MEGF11: variants seen among roughly 807,000 people sequenced by gnomAD.
MEGF11 encodes multiple epidermal growth factor-like domains protein 11.
A neutral mutation model predicts 146.6 loss-of-function variants in MEGF11; 126 were observed. The ratio of observed to expected loss-of-function variants is 0.86; its 90% CI spans 0.74 to 1.00. The LOEUF is 1.00. Ranked by LOEUF, MEGF11 falls within the 50% of genes least tolerant of loss-of-function variation. The pLI, the probability that MEGF11 is intolerant of heterozygous loss-of-function variation, is 0.00. For missense variants in MEGF11, 1,509 were observed against 1,521.2 expected, an observed-to-expected ratio of 0.99 and a Z score of 0.13; for synonymous variants, 532 against 583.4, an observed-to-expected ratio of 0.91 and a Z score of 1.27.
At chr15:65,980,695 G>A (rs2081605952) in intron 7 of MEGF11, 83 bp downstream of exon 7, 3 of 1,448,652 alleles carry the variant, frequency 2.1e-6, no homozygotes, top group Non-Finnish European at 2.7e-6. Context: ...ACCATGCCCG[G>A]CTAGTTTAGC....
At chr15:65,905,882 C>T (rs1467532196) in intron 24 of MEGF11, 13 of 440,334 alleles carry the variant, frequency 3.0e-5, no homozygotes, top group South Asian at 1.2e-4. Context: ...CAACTGAAAT[C>T]GAAAGATGAA....
At chr15:65,913,999 C>T in intron 19 of MEGF11, 26 bp from the exon 20 acceptor site, 2 of 1,599,146 alleles carry the variant, frequency 1.3e-6, no homozygotes, top group Non-Finnish European at 1.7e-6. Flanking sequence ...GGGCCTGAGC[C>T]TGGGGCTGGC....
chr15:66,147,812 T>C (rs2089430411), intron 1 of MEGF11, among the ~76,000 whole-genome samples: 1 of 152,138 alleles, frequency 6.6e-6, no homozygotes, highest in Non-Finnish European at 1.5e-5. Flanking sequence ...CATTCAAAGG[T>C]TTTAAGCAAG....
rs1192088415 is a variant in MEGF11, at chr15:66,004,399, A to AG, written c.395-21912dup. Among the ~76,000 whole-genome samples the AG allele has an allele frequency of 5.6e-5, 8 of 142,948 alleles. No individual in the cohort carries two copies. The East Asian group carries it at 7.9e-4, about 14-fold the overall frequency. The allele number at this position is 142,948 out of a possible 152,430, so 93.8% of individuals were successfully genotyped here. On this transcript the variant is annotated intron_variant, in intron 5 of 25. Coordinates refer to ENST00000395614, the MANE Select transcript of MEGF11 (RefSeq NM_001385028.1). ...ATAATTCAACCAGGGAGGGGCACAGAGGGGGGGCTTCAAGTATTTTTGTAA... is the reference window on the plus strand; with the variant it reads ...ATAATTCAACCAGGGAGGGGCACAGAGGGGGGGGCTTCAAGTATTTTTGTAA...
intron 5 of MEGF11, among the ~76,000 whole-genome samples, chr15:66,071,167 C>T (rs967046805): frequency 1.3e-5 from 2 of 152,112 alleles, no homozygotes; most frequent in African/African-American, 4.8e-5. Flanking sequence ...CCGCCCTCAC[C>T]TCCTGCCCCG....
rs1447967146 is a variant in MEGF11, at chr15:65,916,816, G to C, written c.2215+12C>G. 6.2e-7 allele frequency: 1 copy of C among 1,611,158 alleles called. No individual in the cohort carries two copies. The highest frequency in any genetic ancestry group is 1.3e-5 in the African/African-American group (1 of 74,932). On this transcript the variant is annotated intron_variant, in intron 17 of 25. Coordinates refer to ENST00000395614, the MANE Select transcript of MEGF11 (RefSeq NM_001385028.1). ...ATTCTAAGTGGCTGGGAGGCCAGGA[G>C]GTGGGGCTTACGCTGTGTGCAGAAG...
intron 7 of MEGF11, among the ~76,000 whole-genome samples, chr15:65,973,616 G>T (rs951506756): frequency 1.3e-5 from 2 of 152,152 alleles, no homozygotes; most frequent in African/African-American, 4.8e-5. Context: ...GGGCGACACA[G>T]CCAAATCCCG....
chr15:66,035,675 A>G (rs567936507), intron 5 of MEGF11, among the ~76,000 whole-genome samples: 3 of 152,370 alleles, frequency 2.0e-5, no homozygotes, highest in East Asian at 3.9e-4. Flanking sequence ...ACAAACACCC[A>G]TGTACCCACT....
At chr15:65,913,680 C>A in intron 20 of MEGF11, 57 bp downstream of exon 20, 2 of 1,467,624 alleles carry the variant, frequency 1.4e-6, no homozygotes, top group Admixed American at 1.9e-5. Flanking sequence ...CACAACCATT[C>A]CTGGGGTATG....
chr15:65,936,748 G>A (rs2079803446), intron 10 of MEGF11, among the ~76,000 whole-genome samples: 1 of 152,246 alleles, frequency 6.6e-6, no homozygotes, highest in Non-Finnish European at 1.5e-5. Context: ...GGGTTCCCCA[G>A]TACCTGGCAC....
At chr15:65,937,038 C>G (rs1291172077) in intron 10 of MEGF11, among the ~76,000 whole-genome samples, 1 of 152,172 alleles carries the variant, frequency 6.6e-6, no homozygotes, top group Non-Finnish European at 1.5e-5. Flanking sequence ...TCTAGAGTAT[C>G]CACTCTGGGA....
At chr15:66,070,222 C>T (rs566053022) in intron 5 of MEGF11, among the ~76,000 whole-genome samples, 4 of 152,340 alleles carry the variant, frequency 2.6e-5, no homozygotes, top group South Asian at 4.1e-4. Context: ...TCGGAGATGT[C>T]GGTTTTAGAA....
intron 1 of MEGF11, among the ~76,000 whole-genome samples, chr15:66,247,786 C>T (rs1166880466): frequency 6.6e-6 from 1 of 151,674 alleles, no homozygotes; most frequent in Non-Finnish European, 1.5e-5. Context: ...CCTGTAATCC[C>T]AGCATTTTGG....
intron 23 of MEGF11, 119 bp from the exon 24 acceptor site, chr15:65,906,260 AGTTG>A: frequency 1.5e-6 from 1 of 674,008 alleles, no homozygotes; most frequent in Non-Finnish European, 2.5e-6. Flanking sequence ...GAAAATAAAT[AGTTG>A]TTTATTGCTA....
chr15:66,195,859 T>C (rs1337863604), intron 1 of MEGF11, among the ~76,000 whole-genome samples: 7 of 152,212 alleles, frequency 4.6e-5, no homozygotes, highest in African/African-American at 1.7e-4. Flanking sequence ...TGTGCAAAGC[T>C]AGTCAAAGCC....
intron 10 of MEGF11, among the ~76,000 whole-genome samples, chr15:65,931,762 A>G (rs1292508209): frequency 6.6e-6 from 1 of 152,222 alleles, no homozygotes; most frequent in East Asian, 1.9e-4. Flanking sequence ...AGCCTCAGAG[A>G]AGTTAAATGT....
chr15:66,130,395 G>A (rs1454359891), intron 1 of MEGF11, among the ~76,000 whole-genome samples: 3 of 152,108 alleles, frequency 2.0e-5, no homozygotes, highest in Non-Finnish European at 4.4e-5. Context: ...CATTACTTGG[G>A]CCACTCCTAT....
intron 1 of MEGF11, among the ~76,000 whole-genome samples, chr15:66,220,031 G>A (rs2091693253): frequency 6.6e-6 from 1 of 152,140 alleles, no homozygotes; most frequent in Non-Finnish European, 1.5e-5. Flanking sequence ...GGATTAGGGT[G>A]GGCCCTAAAT....
intron 5 of MEGF11, among the ~76,000 whole-genome samples, chr15:66,071,579 GC>G (rs1398029281): frequency 6.6e-6 from 1 of 152,168 alleles, no homozygotes; most frequent in Non-Finnish European, 1.5e-5. Flanking sequence ...CCCCAGAAAG[GC>G]CCTGCAGCTG....
Sources: gnomAD v4.1 joint callset for allele counts (sites outside exome capture counted in the v4.1 genomes callset) on GRCh38, gnomAD v4.1.1 for gene constraint, MANE v1.5 for transcripts, NCBI Gene and HGNC (gene_info 2026-07-23, HGNC 2026-07-21) for gene names.